Variants in NCALD observed in about 807,000 individuals in gnomAD.
NCALD encodes the protein neurocalcin-delta.
Under a neutral mutation model 18.6 loss-of-function variants are expected in NCALD, and 10 were observed. The ratio of observed to expected loss-of-function variants is 0.54; its 90% CI spans 0.33 to 0.91. The LOEUF (loss-of-function observed/expected upper bound fraction) is 0.91. Ranked by LOEUF, NCALD falls within the 40% of genes least tolerant of loss-of-function variation. The pLI is 0.03. For synonymous variants in NCALD, 88 were observed against 87.4 expected (o/e 1.01, Z -0.04); for missense variants, 184 against 247.6 (o/e 0.74, Z 1.72).
chr8:101,691,173 A>C (rs1352903026), intron 3 of NCALD: 2 of 985,286 alleles, frequency 2.0e-6, no homozygotes, highest in Non-Finnish European at 1.2e-6. Context: ...TGAAGCACCC[A>C]GTCTCCTGGT....
intron 2 of NCALD, among the ~76,000 whole-genome samples, chr8:102,009,900 G>A (rs931447744): frequency 2.6e-5 from 4 of 152,198 alleles, no homozygotes; most frequent in South Asian, 4.1e-4. Flanking sequence ...TGGTATGTTC[G>A]AGCTGTACAT....
chr8:101,692,575 CA>C (rs1006913603), intron 3 of NCALD: 1 of 985,290 alleles, frequency 1.0e-6, no homozygotes, highest in African/African-American at 1.7e-5. Context: ...AGTTGACCTA[CA>C]AGGAGGATAG....
At chr8:101,951,922 G>A (rs2131812279) in intron 2 of NCALD, among the ~76,000 whole-genome samples, 1 of 152,330 alleles carries the variant, frequency 6.6e-6, no homozygotes, top group South Asian at 2.1e-4. Context: ...GGAGTCCAAT[G>A]TCAGTCAAGG....
At chr8:102,083,456 G>A (rs1459337577) in intron 1 of NCALD, among the ~76,000 whole-genome samples, 2 of 152,172 alleles carry the variant, frequency 1.3e-5, no homozygotes, top group African/African-American at 4.8e-5. Context: ...TCTTTCCTGT[G>A]TAGAAGCTTA....
rs367746921 is a variant in NCALD, at chr8:102,032,916, CTG to C, written c.-209-12629_-209-12628del. On this transcript the variant is annotated intron_variant, in intron 1 of 6. Coordinates refer to the NCALD transcript ENST00000311028. ...CAAGTGAATCTGGCTAGCACCATTA[CTG>C]TGTGTTCACCCTGCGAACAGCAGGG... 2.7e-4 allele frequency among the ~76,000 whole-genome samples: 41 copies of C among 152,302 alleles called. No homozygotes were observed. In the South Asian group the frequency reaches 7.7e-3, roughly 28 times the overall value.
intron 3 of NCALD, among the ~76,000 whole-genome samples, chr8:101,899,286 C>T (rs893836868): frequency 6.6e-6 from 1 of 151,892 alleles, no homozygotes; most frequent in Non-Finnish European, 1.5e-5. Context: ...GAGGTTTTTT[C>T]TTTATAGATT....
Position 101,872,359 on chromosome 8 carries a change from T to C in NCALD, c.-20+14782A>G. Reference sequence around the variant, plus strand: ...TTCAATAGCATGTTCATCCTCCTCATTAAACTCGTCTTCATGATCCTCCAG... The same window carrying C: ...TTCAATAGCATGTTCATCCTCCTCACTAAACTCGTCTTCATGATCCTCCAG... On this transcript the variant is annotated intron_variant, in intron 4 of 6. Transcript: ENST00000311028. 3.9e-6 allele frequency: 6 copies of C among 1,529,772 alleles called. 1 individual carries two copies. In the South Asian group the frequency reaches 6.7e-5, roughly 17 times the overall value. 94.8% of individuals were successfully genotyped at this position (1,529,772 alleles called of 1,614,324 possible). A position where few individuals can be genotyped will look rare whatever the true frequency, so the allele number is the denominator to read the frequency against.
At chr8:101,936,455 G>A (rs1818767011) in intron 2 of NCALD, among the ~76,000 whole-genome samples, 1 of 152,144 alleles carries the variant, frequency 6.6e-6, no homozygotes, top group Non-Finnish European at 1.5e-5. Context: ...CAATGGATCA[G>A]AGGTCCTAGA....
At chr8:102,024,394 T>C (rs1241115941) in intron 1 of NCALD, among the ~76,000 whole-genome samples, 1 of 152,204 alleles carries the variant, frequency 6.6e-6, no homozygotes, top group Admixed American at 6.5e-5. Flanking sequence ...CAGAGAGAAC[T>C]TCTTCAAGCC....
chr8:102,023,909 C>A (rs540665003), intron 1 of NCALD, among the ~76,000 whole-genome samples: 3 of 152,134 alleles, frequency 2.0e-5, no homozygotes, highest in African/African-American at 7.2e-5. Flanking sequence ...AATGCCCCAA[C>A]CATAAAAGGA....
chr8:101,703,152 C>CT (rs11447285), intron 2 of NCALD, among the ~76,000 whole-genome samples: 9,582 of 147,642 alleles, frequency 0.065, 1,008 homozygotes, highest in African/African-American at 0.22. Flanking sequence ...CTCTGTTCCT[C>CT]TTTTTTTTTT....
intron 1 of NCALD, among the ~76,000 whole-genome samples, chr8:102,034,366 G>T (rs1325158120): frequency 2.0e-5 from 3 of 152,176 alleles, no homozygotes; most frequent in Non-Finnish European, 4.4e-5. Context: ...CTTCATTTGT[G>T]CAAGGGATAA....
intron 4 of NCALD, among the ~76,000 whole-genome samples, chr8:101,876,987 A>G (rs1405606312): frequency 2.0e-5 from 3 of 152,334 alleles, no homozygotes; most frequent in South Asian, 2.1e-4. Context: ...TAAATTTCCT[A>G]TTGGAAAGAC....
intron 3 of NCALD, among the ~76,000 whole-genome samples, chr8:101,903,647 G>C (rs1185552696): frequency 1.3e-5 from 2 of 152,138 alleles, no homozygotes; most frequent in Admixed American, 1.3e-4. Flanking sequence ...CCTCCTCCCT[G>C]AAATACCTCT....
intron 4 of NCALD, among the ~76,000 whole-genome samples, chr8:101,825,131 G>C (rs1251437585): frequency 1.3e-5 from 2 of 152,188 alleles, no homozygotes; most frequent in Non-Finnish European, 1.5e-5. Context: ...GGTCACCGCT[G>C]TCTTCAAATG....
At chr8:101,958,920 T>C (rs562470813) in intron 2 of NCALD, among the ~76,000 whole-genome samples, 1 of 152,326 alleles carries the variant, frequency 6.6e-6, no homozygotes, top group Non-Finnish European at 1.5e-5. Flanking sequence ...TTTGAGCCGT[T>C]TGAAAGTAAG....
At chr8:101,865,308 C>A (rs1175429587) in intron 4 of NCALD, among the ~76,000 whole-genome samples, 1 of 152,148 alleles carries the variant, frequency 6.6e-6, no homozygotes, top group African/African-American at 2.4e-5. Flanking sequence ...GTTTGAGGCA[C>A]AGAAGTCAAA....
intron 2 of NCALD, among the ~76,000 whole-genome samples, chr8:101,989,068 T>C (rs1048751147): frequency 6.6e-6 from 1 of 152,158 alleles, no homozygotes; most frequent in Non-Finnish European, 1.5e-5. Context: ...ACAATAAAGA[T>C]CAAAATTAAA....
At position 102,082,467 on chromosome 8, in the gene NCALD, T is replaced by C. The variant is rs563062493; in HGVS notation, c.-210+41770A>G. 4.4e-4 allele frequency among the ~76,000 whole-genome samples: 67 copies of C among 152,070 alleles called. 2 individuals are homozygous for C. Among genetic ancestry groups the C allele is most frequent in the Admixed American group, 1.8e-3 (28 of 15,262 alleles). ...TGATACAAATGAAAGGAGCTTCTTA[T>C]TGCAAAATTTCCCAGGATCCTTCTC... On this transcript the variant is annotated intron_variant, in intron 1 of 6. Transcript: ENST00000311028.
Sources: allele counts gnomAD v4.1 joint callset (sites outside exome capture counted in the v4.1 genomes callset), GRCh38; gene constraint gnomAD v4.1.1; transcripts MANE v1.5; gene names NCBI Gene and HGNC (gene_info 2026-07-23, HGNC 2026-07-21).